PDE7B: variants seen among roughly 807,000 people sequenced by gnomAD.
The protein encoded by PDE7B is phosphodiesterase 7B.
A neutral mutation model predicts 56.2 loss-of-function variants in PDE7B; 29 were observed. The observed-to-expected ratio is 0.52, with a 90% CI of 0.38 to 0.70. PDE7B has a LOEUF of 0.70. PDE7B is among the 30% of genes least tolerant of loss of function. The probability of loss-of-function intolerance (pLI) is 0.00; values close to 1 mark genes in which losing one functional copy is unlikely to be tolerated. For synonymous variants in PDE7B, 197 were observed against 196.9 expected, an observed-to-expected ratio of 1.00 and a Z score of 0.00; for missense variants, 490 against 565.0, an observed-to-expected ratio of 0.87 and a Z score of 1.35.
chr6:135,932,172 A>G (rs1172641499), intron 1 of PDE7B, among the ~76,000 whole-genome samples: 1 of 152,174 alleles, frequency 6.6e-6, no homozygotes, highest in African/African-American at 2.4e-5. Flanking sequence ...ACAATCAGGA[A>G]AGTGTCATAA....
chr6:136,009,686 A>T (rs1775854216), intron 2 of PDE7B, among the ~76,000 whole-genome samples: 1 of 152,186 alleles, frequency 6.6e-6, no homozygotes, highest in African/African-American at 2.4e-5. Flanking sequence ...TTGATTTTGT[A>T]TCCTGAGACT....
rs73561305 is a variant in PDE7B, at chr6:136,092,480, G to C, written c.83-16251G>C. ...AGTTTTTTAAAAACTGAGAGTGAAGGCCGGGTACGATGGCTCATGCCTGTA... is the reference window on the plus strand; with the variant it reads ...AGTTTTTTAAAAACTGAGAGTGAAGCCCGGGTACGATGGCTCATGCCTGTA... On this transcript the variant is annotated intron_variant, in intron 2 of 12. Coordinates refer to ENST00000308191, the MANE Select transcript of PDE7B (RefSeq NM_018945.4). Among the ~76,000 whole-genome samples, 522 of 152,294 alleles carry C rather than the reference G, an allele frequency of 3.4e-3. 2 individuals carry two copies. Among genetic ancestry groups the C allele is most frequent in the African/African-American group, 0.012 (502 of 41,550 alleles).
rs367942823 is a variant in PDE7B at position 135,868,577 on chromosome 6, A to G, written c.21+16558A>G. On this transcript the variant is annotated intron_variant, in intron 1 of 12. Coordinates refer to ENST00000308191, the MANE Select transcript of PDE7B (RefSeq NM_018945.4). ...CTCCTAAGTAGCTGAGACTACAGGCAGGTGTCACCATGCACAGGTAATTTT... is the reference window on the plus strand; with the variant it reads ...CTCCTAAGTAGCTGAGACTACAGGCGGGTGTCACCATGCACAGGTAATTTT... 1.2e-4 allele frequency among the ~76,000 whole-genome samples: 19 copies of G among 152,290 alleles called. No individual in the cohort carries two copies. In the East Asian group the frequency reaches 2.3e-3, roughly 19 times the overall value.
chr6:136,019,734 G>A (rs890557206), intron 2 of PDE7B, among the ~76,000 whole-genome samples: 1 of 152,168 alleles, frequency 6.6e-6, no homozygotes, highest in African/African-American at 2.4e-5. Context: ...CATGTATTTT[G>A]TGTGTTTTAT....
At chr6:135,891,391 T>A (rs777127564) in intron 1 of PDE7B, among the ~76,000 whole-genome samples, 1 of 152,214 alleles carries the variant, frequency 6.6e-6, no homozygotes, top group Non-Finnish European at 1.5e-5. Flanking sequence ...TTGCCAGATG[T>A]TGAAATGGCA....
Position 135,988,723 on chromosome 6 carries a change from T to C in PDE7B, c.82+41199T>C, listed in dbSNP as rs116268209. On this transcript the variant is annotated intron_variant, in intron 2 of 12. Transcript: ENST00000308191. ...AAGGAATTATAAATTTAGGAATGAA[T>C]TGATAACTAGGAAAATCTCACCTCA... 6.7e-3 allele frequency among the ~76,000 whole-genome samples: 1,015 copies of C among 152,260 alleles called. 9 individuals are homozygous for C. Among genetic ancestry groups the C allele is most frequent in the African/African-American group, 0.023 (957 of 41,550 alleles).
intron 1 of PDE7B, among the ~76,000 whole-genome samples, chr6:135,861,750 A>G (rs1247261609): frequency 6.6e-6 from 1 of 151,800 alleles, no homozygotes; most frequent in Non-Finnish European, 1.5e-5. Flanking sequence ...CTTCCAATTC[A>G]TAAACATAAT....
intron 2 of PDE7B, among the ~76,000 whole-genome samples, chr6:135,949,680 TGATACTG>T (rs1299909831): frequency 3.3e-5 from 5 of 152,142 alleles, no homozygotes; most frequent in Non-Finnish European, 7.4e-5. Context: ...TTAATTAAGC[TGATACTG>T]GTTATTAACC....
At chr6:136,113,272 T>C (rs778201895) in intron 3 of PDE7B, among the ~76,000 whole-genome samples, 2 of 152,218 alleles carry the variant, frequency 1.3e-5, no homozygotes, top group Non-Finnish European at 2.9e-5. Flanking sequence ...TTGTATACCA[T>C]AAATATGTAC....
At chr6:135,919,212 CG>C (rs1774017740) in intron 1 of PDE7B, among the ~76,000 whole-genome samples, 1 of 152,080 alleles carries the variant, frequency 6.6e-6, no homozygotes, top group South Asian at 2.1e-4. Context: ...CTTGTGCTAC[CG>C]AACGCCTCCT....
chr6:136,172,791 C>T (rs565357281), intron 8 of PDE7B, among the ~76,000 whole-genome samples: 19 of 151,926 alleles, frequency 1.3e-4, no homozygotes, highest in Admixed American at 4.6e-4. Context: ...GTCTTTAATC[C>T]ATCTTGAATT....
chr6:136,041,988 T>C (rs1776422199), intron 2 of PDE7B, among the ~76,000 whole-genome samples: 1 of 152,158 alleles, frequency 6.6e-6, no homozygotes, highest in Non-Finnish European at 1.5e-5. Flanking sequence ...CATGGCTTTA[T>C]TGATTACATG....
intron 2 of PDE7B, among the ~76,000 whole-genome samples, chr6:135,969,933 A>T (rs904810588): frequency 1.3e-5 from 2 of 152,178 alleles, no homozygotes; most frequent in African/African-American, 2.4e-5. Flanking sequence ...ATGGTGTTGA[A>T]CTAGTGAAGT....
chr6:136,092,974 G>A (rs1777414356), intron 2 of PDE7B, among the ~76,000 whole-genome samples: 1 of 152,180 alleles, frequency 6.6e-6, no homozygotes, highest in African/African-American at 2.4e-5. Context: ...TTCTATGTGA[G>A]GTGATGGATG....
At chr6:135,947,402 A>C in intron 1 of PDE7B, 62 bp from the exon 2 acceptor site, 1 of 1,240,856 alleles carries the variant, frequency 8.1e-7, no homozygotes, top group South Asian at 1.2e-5. Context: ...TCACATGGAT[A>C]TATTGTCTTG....
At chr6:135,947,021 G>T (rs1774606325) in intron 1 of PDE7B, among the ~76,000 whole-genome samples, 2 of 152,090 alleles carry the variant, frequency 1.3e-5, no homozygotes, top group Admixed American at 6.6e-5. Context: ...AGTTCAGAGA[G>T]ATAAAGTATA....
At chr6:135,969,829 T>C (rs1193908205) in intron 2 of PDE7B, among the ~76,000 whole-genome samples, 1 of 152,062 alleles carries the variant, frequency 6.6e-6, no homozygotes, top group Non-Finnish European at 1.5e-5. Flanking sequence ...TAATGTACTG[T>C]ATAATGGAAA....
intron 2 of PDE7B, among the ~76,000 whole-genome samples, chr6:136,045,542 G>A (rs987272330): frequency 6.6e-5 from 10 of 152,134 alleles, no homozygotes; most frequent in Non-Finnish European, 2.9e-5. Context: ...GTACTCCAGT[G>A]AGTAGGTCAC....
intron 3 of PDE7B, among the ~76,000 whole-genome samples, chr6:136,128,196 C>T (rs764367772): frequency 6.6e-6 from 1 of 152,106 alleles, no homozygotes; most frequent in African/African-American, 2.4e-5. Flanking sequence ...GCTTAGCACC[C>T]GTGTGCAAAT....
Sources: allele counts gnomAD v4.1 joint callset (sites outside exome capture counted in the v4.1 genomes callset), GRCh38; gene constraint gnomAD v4.1.1; transcripts MANE v1.5; gene names NCBI Gene and HGNC (gene_info 2026-07-23, HGNC 2026-07-21).